NKAIN1: variants seen among roughly 807,000 people sequenced by gnomAD.
The protein encoded by NKAIN1 is sodium/potassium transporting ATPase interacting 1.
NKAIN1 carries 13 observed loss-of-function variants against 31.6 expected under a neutral mutation model. The observed-to-expected ratio is 0.41, with a 90% CI of 0.27 to 0.65. NKAIN1 has a LOEUF of 0.65. Among genes scored for constraint, NKAIN1 ranks in the 30% least tolerant of loss-of-function variants. The pLI, the probability that NKAIN1 is intolerant of heterozygous loss-of-function variation, is 0.30. For missense variants in NKAIN1, 193 were observed against 262.2 expected (o/e 0.74, Z 1.82); for synonymous variants, 104 against 109.0 (o/e 0.95, Z 0.28).
At chr1:31,181,993 G>A in intron 5 of NKAIN1, 52 bp from the exon 6 acceptor site, 2 of 1,527,032 alleles carry the variant, frequency 1.3e-6, no homozygotes, top group Non-Finnish European at 1.8e-6. Context: ...GGCGAGGAGA[G>A]GGAGACTGGG....
At chr1:31,232,466 G>GAGAC (rs1645661567) in intron 1 of NKAIN1, among the ~76,000 whole-genome samples, 1 of 129,636 alleles carries the variant, frequency 7.7e-6, no homozygotes, top group Admixed American at 7.9e-5. Flanking sequence ...GAGAGAGAGA[G>GAGAC]AGAGAGTGGG....
chr1:31,211,581 A>G (rs1570467331), intron 1 of NKAIN1, among the ~76,000 whole-genome samples: 1 of 148,236 alleles, frequency 6.7e-6, no homozygotes, highest in Non-Finnish European at 1.5e-5. Flanking sequence ...GATTCAATGC[A>G]CTCTATCAAA....
intron 1 of NKAIN1, among the ~76,000 whole-genome samples, chr1:31,217,363 A>T (rs2148361936): frequency 6.6e-6 from 1 of 152,146 alleles, no homozygotes; most frequent in East Asian, 1.9e-4. Flanking sequence ...CGGGGGTCTC[A>T]CTATGTTGTC....
At chr1:31,229,011 A>G (rs2148367037) in intron 1 of NKAIN1, among the ~76,000 whole-genome samples, 1 of 152,158 alleles carries the variant, frequency 6.6e-6, no homozygotes, top group African/African-American at 2.4e-5. Context: ...CTCTCCTCTC[A>G]TTTCCCACTT....
At chr1:31,188,220 C>T (rs900309545) in intron 1 of NKAIN1, 33 bp from the exon 2 acceptor site, 88 of 1,547,622 alleles carry the variant, frequency 5.7e-5, no homozygotes, top group Non-Finnish European at 7.2e-5. Flanking sequence ...CCACTGTCAC[C>T]CCCCTGAAAG....
intron 1 of NKAIN1, among the ~76,000 whole-genome samples, chr1:31,193,137 C>T (rs950874263): frequency 2.6e-5 from 4 of 151,408 alleles, no homozygotes; most frequent in South Asian, 2.1e-4. Flanking sequence ...GGCGTGATCT[C>T]GGCTCACTGC....
chr1:31,226,950 G>A (rs1645612598), intron 1 of NKAIN1, among the ~76,000 whole-genome samples: 1 of 151,552 alleles, frequency 6.6e-6, no homozygotes, highest in African/African-American at 2.4e-5. Context: ...TCAGACTCCT[G>A]AATAGCTGGG....
intron 1 of NKAIN1, among the ~76,000 whole-genome samples, chr1:31,198,179 AC>A (rs1186882810): frequency 6.6e-6 from 1 of 152,136 alleles, no homozygotes; most frequent in Middle Eastern, 3.2e-3. Flanking sequence ...AGGTGCTAAA[AC>A]CAAATTCTCC....
At position 31,188,221 on chromosome 1, in the gene NKAIN1, C is replaced by T. The variant is rs952124657; in HGVS notation, c.55-34G>A. On this transcript the variant is annotated intron_variant, in intron 1 of 6. Coordinates refer to ENST00000373736, the MANE Select transcript of NKAIN1 (RefSeq NM_024522.3). ...GAGACAGGCTGAGGCCACTGTCACCCCCCTGAAAGGGAAGGACAGGGATTC... is the reference window on the plus strand; with the variant it reads ...GAGACAGGCTGAGGCCACTGTCACCTCCCTGAAAGGGAAGGACAGGGATTC... 1.2e-5 allele frequency: 18 copies of T among 1,547,318 alleles called. No homozygotes were observed. In the African/African-American group the frequency reaches 2.2e-4, roughly 19 times the overall value.
chr1:31,222,122 A>G (rs955300900), intron 1 of NKAIN1, among the ~76,000 whole-genome samples: 1 of 151,418 alleles, frequency 6.6e-6, no homozygotes, highest in Non-Finnish European at 1.5e-5. Context: ...CAGGGAATCC[A>G]CCCGCCTCGG....
At chr1:31,225,529 T>C (rs1445842077) in intron 1 of NKAIN1, among the ~76,000 whole-genome samples, 2 of 151,820 alleles carry the variant, frequency 1.3e-5, no homozygotes, top group Non-Finnish European at 1.5e-5. Flanking sequence ...GGGTTTGCAC[T>C]CTTGGCCAGG....
At chr1:31,210,779 G>A (rs1205977315) in intron 1 of NKAIN1, among the ~76,000 whole-genome samples, 1 of 152,182 alleles carries the variant, frequency 6.6e-6, no homozygotes, top group South Asian at 2.1e-4. Context: ...CTGAAGTTAG[G>A]GACATGGACA....
chr1:31,228,999 T>G (rs940146966), intron 1 of NKAIN1, among the ~76,000 whole-genome samples: 1 of 152,140 alleles, frequency 6.6e-6, no homozygotes. Flanking sequence ...CAGAGTTCAG[T>G]ACTCTCCTCT....
intron 1 of NKAIN1, among the ~76,000 whole-genome samples, chr1:31,212,684 C>T (rs1402649492): frequency 1.3e-5 from 2 of 151,798 alleles, no homozygotes; most frequent in Admixed American, 6.6e-5. Flanking sequence ...GAATTACAGA[C>T]GTGAGCCACC....
At chr1:31,229,557 T>C (rs551297316) in intron 1 of NKAIN1, among the ~76,000 whole-genome samples, 1 of 152,242 alleles carries the variant, frequency 6.6e-6, no homozygotes, top group African/African-American at 2.4e-5. Context: ...TTTTTTTTCT[T>C]TTTTTGAGAC....
intron 1 of NKAIN1, among the ~76,000 whole-genome samples, chr1:31,202,963 G>A (rs1250378290): frequency 1.6e-5 from 2 of 123,852 alleles, no homozygotes; most frequent in Non-Finnish European, 3.2e-5. Context: ...GTGACAGAGC[G>A]AGATTCCGTC....
At chr1:31,219,861 A>G (rs1400230142) in intron 1 of NKAIN1, among the ~76,000 whole-genome samples, 5 of 152,220 alleles carry the variant, frequency 3.3e-5, no homozygotes, top group African/African-American at 4.8e-5. Context: ...TCTGTAAAAC[A>G]GGGATGACAG....
chr1:31,210,725 C>T (rs1311245251), intron 1 of NKAIN1, among the ~76,000 whole-genome samples: 1 of 152,146 alleles, frequency 6.6e-6, no homozygotes, highest in Non-Finnish European at 1.5e-5. Context: ...TGCATCAGGC[C>T]AGGGAAAGGT....
intron 3 of NKAIN1, among the ~76,000 whole-genome samples, chr1:31,184,799 A>T (rs1645229629): frequency 6.6e-6 from 1 of 152,166 alleles, no homozygotes; most frequent in African/African-American, 2.4e-5. Context: ...GGTCTGCTCA[A>T]TCTTCCCTGA....
Sources: allele counts gnomAD v4.1 joint callset (sites outside exome capture counted in the v4.1 genomes callset), GRCh38; gene constraint gnomAD v4.1.1; transcripts MANE v1.5; gene names NCBI Gene and HGNC (gene_info 2026-07-23, HGNC 2026-07-21).